SLC35F1: variants seen among roughly 807,000 people sequenced by gnomAD.
SLC35F1 encodes the protein solute carrier family 35 member F1.
Under a neutral mutation model 48.7 loss-of-function variants are expected in SLC35F1, and 14 were observed. The observed-to-expected ratio is 0.29, with a 90% CI of 0.19 to 0.45. The LOEUF is 0.45. SLC35F1 is among the 20% of genes least tolerant of loss of function. The pLI, the probability that SLC35F1 is intolerant of heterozygous loss-of-function variation, is 1.00. For missense variants in SLC35F1, 404 were observed against 500.0 expected (o/e 0.81, Z 1.83); for synonymous variants, 190 against 202.2 (o/e 0.94, Z 0.51).
At chr6:117,997,140 C>G (rs1267004490) in intron 1 of SLC35F1, among the ~76,000 whole-genome samples, 2 of 151,500 alleles carry the variant, frequency 1.3e-5, no homozygotes, top group African/African-American at 4.9e-5. Flanking sequence ...GAAGCCTCAG[C>G]AGCTGATGCG....
rs150516728 is a variant in SLC35F1 at position 118,118,622 on chromosome 6, T to C, written c.174-35823T>C. 8.5e-5 allele frequency among the ~76,000 whole-genome samples: 13 copies of C among 152,350 alleles called. No individual in the cohort carries two copies. The East Asian group carries it at 2.5e-3, about 29-fold the overall frequency. Reference sequence around the variant, plus strand: ...ATATTTTGTGAGACATCTCTTCAGATCTTCTGTCTTTTTTTTAATCGAGTT... The same window carrying C: ...ATATTTTGTGAGACATCTCTTCAGACCTTCTGTCTTTTTTTTAATCGAGTT... On this transcript the variant is annotated intron_variant, in intron 1 of 7. Transcript: ENST00000360388.
chr6:118,120,720 G>A (rs1167295685), intron 1 of SLC35F1, among the ~76,000 whole-genome samples: 1 of 152,178 alleles, frequency 6.6e-6, no homozygotes, highest in Non-Finnish European at 1.5e-5. Flanking sequence ...AGGGTGATGG[G>A]TGAATTGAAA....
intron 1 of SLC35F1, among the ~76,000 whole-genome samples, chr6:118,109,230 G>A (rs1773364756): frequency 6.6e-6 from 1 of 152,190 alleles, no homozygotes; most frequent in Non-Finnish European, 1.5e-5. Flanking sequence ...AATGGGTGAT[G>A]TAAACAGATG....
chr6:117,917,686 A>G (rs961058024), intron 1 of SLC35F1, among the ~76,000 whole-genome samples: 1 of 152,170 alleles, frequency 6.6e-6, no homozygotes, highest in Non-Finnish European at 1.5e-5. Flanking sequence ...TTACTTTGGC[A>G]AGTAAAGTTA....
At position 118,274,312 on chromosome 6, in the gene SLC35F1, G is replaced by A. The variant is rs113196180; in HGVS notation, c.638-1147G>A. 1.0e-2 allele frequency among the ~76,000 whole-genome samples: 1,519 copies of A among 152,264 alleles called. 27 individuals are homozygous for A. Among genetic ancestry groups the A allele is most frequent in the African/African-American group, 0.035 (1,443 of 41,550 alleles). ...TCCTTCCCTGGCTCCATACTTCCTG[G>A]AGTGGGAAGTTTGCCCAATTCTAGG... is the stretch of plus-strand genomic sequence containing the variant. On this transcript the variant is annotated intron_variant, in intron 4 of 7. Coordinates refer to ENST00000360388, the MANE Select transcript of SLC35F1 (RefSeq NM_001029858.4).
intron 1 of SLC35F1, among the ~76,000 whole-genome samples, chr6:117,960,094 A>G (rs1214781591): frequency 6.6e-6 from 1 of 152,010 alleles, no homozygotes; most frequent in Non-Finnish European, 1.5e-5. Flanking sequence ...CAAGGCATTG[A>G]AGAGGGTGCT....
At position 118,314,176 on chromosome 6, in the gene SLC35F1, C is replaced by G; in HGVS notation, c.1151C>G (p.Ala384Gly). 6.2e-7 allele frequency: 1 copy of G among 1,614,206 alleles called. No individual in the cohort carries two copies. The highest frequency in any genetic ancestry group is 1.1e-5 in the South Asian group (1 of 91,072). ...CCTGTTGTGGACTTACCGACCACAGCTCAGGTGGAACCCTCAGTCACCTAC... is the reference window on the plus strand; with the variant it reads ...CCTGTTGTGGACTTACCGACCACAGGTCAGGTGGAACCCTCAGTCACCTAC... Reference protein sequence around the residue: ...SGPVVDLPTTAQVEPSVTYTS... With the variant: ...SGPVVDLPTTGQVEPSVTYTS... Residue 384 changes from alanine to glycine, a missense_variant, in exon 8 of 8, where the codon GCT becomes GGT. Coordinates refer to ENST00000360388, the MANE Select transcript of SLC35F1 (RefSeq NM_001029858.4).
In SLC35F1 at chr6:118,110,798, G is replaced by A. The variant is rs1019303274; in HGVS notation, c.174-43647G>A. ...ATGGATATACTAATAAGGTGTAACA[G>A]GGAGAAAGCATTCTATAGTCCTATG... is the stretch of plus-strand genomic sequence containing the variant. On this transcript the variant is annotated intron_variant, in intron 1 of 7. Coordinates refer to ENST00000360388, the MANE Select transcript of SLC35F1 (RefSeq NM_001029858.4). 4.6e-5 allele frequency among the ~76,000 whole-genome samples: 7 copies of A among 151,594 alleles called. 1 individual carries two copies. The highest frequency in any genetic ancestry group is 1.7e-4 in the African/African-American group (7 of 40,912).
At chr6:117,909,135 G>T (rs1303826244) in intron 1 of SLC35F1, among the ~76,000 whole-genome samples, 4 of 152,188 alleles carry the variant, frequency 2.6e-5, no homozygotes, top group African/African-American at 9.7e-5. Flanking sequence ...CAAACAGAAA[G>T]AAATTCACTC....
chr6:118,216,042 A>G (rs977449211), intron 2 of SLC35F1, among the ~76,000 whole-genome samples: 1 of 150,128 alleles, frequency 6.7e-6, no homozygotes, highest in African/African-American at 2.4e-5. Context: ...TGGTATGCAC[A>G]TTTTTATTCT....
intron 2 of SLC35F1, among the ~76,000 whole-genome samples, chr6:118,212,183 G>A (rs1188762896): frequency 6.6e-6 from 1 of 152,152 alleles, no homozygotes; most frequent in Non-Finnish European, 1.5e-5. Flanking sequence ...AATGGAGTGG[G>A]ACAACTGTGA....
At chr6:117,950,347 A>G (rs539735399) in intron 1 of SLC35F1, among the ~76,000 whole-genome samples, 7 of 152,252 alleles carry the variant, frequency 4.6e-5, no homozygotes, top group African/African-American at 1.2e-4. Flanking sequence ...GCATACTACT[A>G]TCATCCTGAG....
intron 1 of SLC35F1, among the ~76,000 whole-genome samples, chr6:117,964,966 C>T (rs754258817): frequency 5.9e-5 from 9 of 152,014 alleles, no homozygotes; most frequent in Admixed American, 1.3e-4. Context: ...GGGAGGGATA[C>T]GGAAGAGGAG....
intron 1 of SLC35F1, among the ~76,000 whole-genome samples, chr6:118,083,352 A>G (rs1772940344): frequency 6.6e-6 from 1 of 152,220 alleles, no homozygotes; most frequent in Non-Finnish European, 1.5e-5. Flanking sequence ...GTAAAGTAAT[A>G]AGGATTATGC....
intron 1 of SLC35F1, among the ~76,000 whole-genome samples, chr6:118,105,227 C>A (rs1239149270): frequency 6.6e-6 from 1 of 152,126 alleles, no homozygotes; most frequent in Non-Finnish European, 1.5e-5. Flanking sequence ...CTTCCCATTC[C>A]TGCTCATTCA....
intron 2 of SLC35F1, among the ~76,000 whole-genome samples, chr6:118,159,557 C>T (rs895953818): frequency 1.3e-5 from 2 of 152,120 alleles, no homozygotes; most frequent in East Asian, 3.9e-4. Flanking sequence ...ATGACTTCTC[C>T]TTGTATCTAC....
chr6:117,966,131 G>GCCCCCCCCCCCCCCCCCCCCCCC lies in SLC35F1; in HGVS notation c.173+58243_173+58244insCCCCCCCCCCCCCCCCCCCCCCC, dbSNP rs35420310. ...AATAAGGGAATAAAAGCAGGCCACC[G>GCCCCCCCCCCCCCCCCCCCCCCC]CCCCCCCCCCCACTCCCGCCCCGCC... On this transcript the variant is annotated intron_variant, in intron 1 of 7. Coordinates refer to ENST00000360388, the MANE Select transcript of SLC35F1 (RefSeq NM_001029858.4). Among the ~76,000 whole-genome samples the GCCCCCCCCCCCCCCCCCCCCCCC allele has an allele frequency of 6.9e-5, 7 of 101,102 alleles. 3 individuals are homozygous for GCCCCCCCCCCCCCCCCCCCCCCC. Among genetic ancestry groups the GCCCCCCCCCCCCCCCCCCCCCCC allele is most frequent in the Non-Finnish European group, 1.4e-4 (7 of 49,156 alleles). 66.3% of individuals were successfully genotyped at this position (101,102 alleles called of 152,430 possible).
At chr6:118,309,959 G>A (rs918585130) in intron 7 of SLC35F1, among the ~76,000 whole-genome samples, 2 of 152,210 alleles carry the variant, frequency 1.3e-5, no homozygotes, top group South Asian at 2.1e-4. Flanking sequence ...TGTGCAGTGA[G>A]TGCCTTCTGA....
rs1282957375 is a variant in SLC35F1 at position 118,315,752 on chromosome 6, T to A, written c.*1500T>A. 6.6e-6 allele frequency: 1 copy of A among 152,228 alleles called. No individual in the cohort carries two copies. The highest frequency in any genetic ancestry group is 2.4e-5 in the African/African-American group (1 of 41,442). The allele number at this position is 152,228 out of a possible 1,614,324, so 9.4% of individuals were successfully genotyped here. On this transcript the variant is annotated 3_prime_UTR_variant, in exon 8 of 8. Transcript: ENST00000360388. ...CTGCGCCCGGCCGACACGACATTCT[T>A]ATGGACCCAGAGAATACTGCAGGAT...
Sources: gnomAD v4.1 joint callset for allele counts (sites outside exome capture counted in the v4.1 genomes callset) on GRCh38, gnomAD v4.1.1 for gene constraint, MANE v1.5 for transcripts, NCBI Gene and HGNC (gene_info 2026-07-23, HGNC 2026-07-21) for gene names.